CSGALNACT1: variants seen among roughly 807,000 people sequenced by gnomAD.
CSGALNACT1 encodes beta4GalNAcT-1.
In CSGALNACT1, 52 loss-of-function variants were observed where a neutral mutation model predicts 51.0. That is an observed-to-expected ratio of 1.02 (90% confidence interval 0.82 to 1.29). CSGALNACT1 has a LOEUF of 1.29. Ranked by LOEUF, CSGALNACT1 falls within the 50% of genes most tolerant of loss-of-function variation. The probability of loss-of-function intolerance (pLI) is 0.00; values close to 1 mark genes in which losing one functional copy is unlikely to be tolerated. For missense variants in CSGALNACT1, 935 were observed against 679.2 expected (o/e 1.38, Z -4.19); for synonymous variants, 341 against 254.4 (o/e 1.34, Z -3.24).
At chr8:19,640,606 T>C (rs969658349) in intron 1 of CSGALNACT1, among the ~76,000 whole-genome samples, 1 of 152,212 alleles carries the variant, frequency 6.6e-6, no homozygotes, top group African/African-American at 2.4e-5. Flanking sequence ...TCTAAGCAGA[T>C]TCTTCTAACA....
chr8:19,500,543 A>G (rs2076240674), intron 4 of CSGALNACT1, among the ~76,000 whole-genome samples: 2 of 152,230 alleles, frequency 1.3e-5, no homozygotes, highest in African/African-American at 4.8e-5. Flanking sequence ...CCAAACATGC[A>G]GGACCTCAAA....
At chr8:19,449,223 A>T (rs1483050687) in intron 5 of CSGALNACT1, among the ~76,000 whole-genome samples, 1 of 152,168 alleles carries the variant, frequency 6.6e-6, no homozygotes, top group African/African-American at 2.4e-5. Context: ...AAGTGAAATC[A>T]AAACCAACTT....
intron 4 of CSGALNACT1, among the ~76,000 whole-genome samples, chr8:19,466,571 T>C (rs1389139249): frequency 1.3e-5 from 2 of 152,220 alleles, no homozygotes; most frequent in Non-Finnish European, 2.9e-5. Context: ...AGATGGCATA[T>C]CGCATTCCCA....
At chr8:19,676,642 C>CA (rs2060213121) in intron 1 of CSGALNACT1, among the ~76,000 whole-genome samples, 1 of 152,014 alleles carries the variant, frequency 6.6e-6, no homozygotes, top group Non-Finnish European at 1.5e-5. Context: ...AAATTAAGAC[C>CA]AAAAATCAAC....
At chr8:19,623,033 A>AAACCTG (rs1589100102) in intron 1 of CSGALNACT1, among the ~76,000 whole-genome samples, 1 of 152,184 alleles carries the variant, frequency 6.6e-6, no homozygotes, top group East Asian at 1.9e-4. Flanking sequence ...TGCACATTCC[A>AAACCTG]CACATGTATC....
chr8:19,468,916 T>C (rs4921646), intron 4 of CSGALNACT1, among the ~76,000 whole-genome samples: 114,658 of 151,870 alleles, frequency 0.75, 43,904 homozygotes, highest in East Asian at 0.87. Flanking sequence ...GGATGCAGGC[T>C]CAGGATATGC....
intron 4 of CSGALNACT1, among the ~76,000 whole-genome samples, chr8:19,459,382 CAAAAAAAAAAAAA>C (rs377411028): frequency 5.8e-5 from 4 of 69,190 alleles, no homozygotes; most frequent in East Asian, 4.4e-4. Context: ...AACTTTATCT[CAAAAAAAAAAAAA>C]AAAAAAAAAA....
rs2065032070 is a variant in CSGALNACT1 at position 19,460,077 on chromosome 8, A to T, written c.635-1435T>A. The stretch of plus-strand genomic sequence containing the variant: ...CCTTCCACTGTCTCTGGTATTATGA[A>T]TGTTTTCTCTACAGTCAGGAAACAC... On this transcript the variant is annotated intron_variant, in intron 4 of 9. Transcript: ENST00000454498. Among the ~76,000 whole-genome samples, 5 of 152,146 alleles carry T rather than the reference A, an allele frequency of 3.3e-5. No homozygotes were observed. In the South Asian group the frequency reaches 1.0e-3, roughly 31 times the overall value.
intron 1 of CSGALNACT1, among the ~76,000 whole-genome samples, chr8:19,623,441 T>A (rs1564284525): frequency 6.6e-6 from 1 of 152,222 alleles, no homozygotes; most frequent in African/African-American, 2.4e-5. Context: ...GAGAAGTCAA[T>A]CTCATAAACA....
intron 5 of CSGALNACT1, among the ~76,000 whole-genome samples, chr8:19,444,477 A>G (rs1490721671): frequency 6.6e-6 from 1 of 152,160 alleles, no homozygotes; most frequent in East Asian, 1.9e-4. Context: ...GTTTCTGGAA[A>G]CAAGTTAATG....
intron 1 of CSGALNACT1, among the ~76,000 whole-genome samples, chr8:19,744,312 G>A (rs539207661): frequency 4.6e-5 from 7 of 152,206 alleles, no homozygotes; most frequent in South Asian, 2.1e-4. Context: ...CATGCTCAGC[G>A]GACCACAGAT....
At chr8:19,726,221 A>T (rs73590565) in intron 1 of CSGALNACT1, among the ~76,000 whole-genome samples, 35,876 of 152,116 alleles carry the variant, frequency 0.24, 4,601 homozygotes, top group African/African-American at 0.33. Context: ...AAGATAAGTT[A>T]ACATTAAATT....
chr8:19,664,289 C>G (rs369085432), intron 1 of CSGALNACT1, among the ~76,000 whole-genome samples: 3 of 152,098 alleles, frequency 2.0e-5, no homozygotes, highest in African/African-American at 7.2e-5. Context: ...ACAATGAGAT[C>G]ACCTTACAGC....
At chr8:19,470,484 CAGGCAACAG>C (rs2153856914) in intron 4 of CSGALNACT1, among the ~76,000 whole-genome samples, 1 of 152,224 alleles carries the variant, frequency 6.6e-6, no homozygotes, top group Admixed American at 6.5e-5. Context: ...GTGAGGAACA[CAGGCAACAG>C]AGGAAACAAG....
chr8:19,623,021 C>A (rs924467744), intron 1 of CSGALNACT1, among the ~76,000 whole-genome samples: 8 of 152,068 alleles, frequency 5.3e-5, no homozygotes, highest in Admixed American at 2.6e-4. Context: ...AGGTAACAAA[C>A]CTGCACATTC....
chr8:19,474,341 A>G lies in CSGALNACT1; in HGVS notation c.635-15699T>C, dbSNP rs140748368. Among the ~76,000 whole-genome samples the G allele has an allele frequency of 5.9e-3, 904 of 152,254 alleles. 9 individuals are homozygous for G. Among genetic ancestry groups the G allele is most frequent in the African/African-American group, 0.019 (808 of 41,546 alleles). On this transcript the variant is annotated intron_variant, in intron 4 of 9. Transcript: ENST00000454498. ...TCCAATATAAAGAAAGTTGGAAACT[A>G]TTATCAAAACTTTGGCAGTATTTTT... is the stretch of plus-strand genomic sequence containing the variant.
chr8:19,598,242 C>T (rs1477945181), intron 2 of CSGALNACT1, among the ~76,000 whole-genome samples: 1 of 152,208 alleles, frequency 6.6e-6, no homozygotes, highest in African/African-American at 2.4e-5. Context: ...TAAAAACCTA[C>T]TGGAAGGCAT....
intron 2 of CSGALNACT1, among the ~76,000 whole-genome samples, chr8:19,595,738 C>A (rs888325976): frequency 8.5e-5 from 13 of 152,054 alleles, no homozygotes; most frequent in African/African-American, 3.1e-4. Context: ...CTGTTTGTTT[C>A]CAGAGGTTAT....
At chr8:19,448,315 G>C (rs1310806759) in intron 5 of CSGALNACT1, among the ~76,000 whole-genome samples, 2 of 152,174 alleles carry the variant, frequency 1.3e-5, no homozygotes, top group South Asian at 4.1e-4. Context: ...CTCATTGTAG[G>C]AAGAGTTACA....
Sources: gnomAD v4.1 joint callset for allele counts (sites outside exome capture counted in the v4.1 genomes callset) on GRCh38, gnomAD v4.1.1 for gene constraint, MANE v1.5 for transcripts, NCBI Gene and HGNC (gene_info 2026-07-23, HGNC 2026-07-21) for gene names.